GALNTL6: variants seen among roughly 807,000 people sequenced by gnomAD.
GALNTL6 encodes the protein polypeptide N-acetylgalactosaminyltransferase like 6.
A neutral mutation model predicts 73.7 loss-of-function variants in GALNTL6; 46 were observed. That is an observed-to-expected ratio of 0.62 (90% CI 0.49 to 0.80). GALNTL6 has a LOEUF of 0.80. GALNTL6 is among the 30% of genes least tolerant of loss of function. GALNTL6 has a pLI of 0.00. For synonymous variants in GALNTL6, 259 were observed against 263.7 expected, an observed-to-expected ratio of 0.98 and a Z score of 0.17; for missense variants, 604 against 755.0, an observed-to-expected ratio of 0.80 and a Z score of 2.34.
intron 7 of GALNTL6, among the ~76,000 whole-genome samples, chr4:172,839,878 G>T (rs1372384415): frequency 6.6e-6 from 1 of 152,066 alleles, no homozygotes; most frequent in Non-Finnish European, 1.5e-5. Flanking sequence ...GAAAAGCAAA[G>T]ATTCTTTTTA....
Position 172,774,959 on chromosome 4 carries a change from C to CAATAATAATAATAAT in GALNTL6, c.554-34372_554-34358dup, listed in dbSNP as rs57591714. The stretch of plus-strand genomic sequence containing the variant: ...TGGGTGACAGAGCGAGGCTCCATCT[C>CAATAATAATAATAAT]AATAATAATAATAATAATAATAATA... On this transcript the variant is annotated intron_variant, in intron 5 of 12. Coordinates refer to ENST00000506823, the MANE Select transcript of GALNTL6 (RefSeq NM_001034845.3). 5.3e-3 allele frequency among the ~76,000 whole-genome samples: 750 copies of CAATAATAATAATAAT among 140,622 alleles called. 6 individuals are homozygous for CAATAATAATAATAAT. Among genetic ancestry groups the CAATAATAATAATAAT allele is most frequent in the African/African-American group, 0.019 (682 of 36,458 alleles). 92.3% of individuals were successfully genotyped at this position (140,622 alleles called of 152,430 possible). A position where few individuals can be genotyped will look rare whatever the true frequency, so the allele number is the denominator to read the frequency against.
intron 5 of GALNTL6, chr4:172,666,673 C>A (rs1731685241): frequency 6.6e-6 from 1 of 152,114 alleles, no homozygotes; most frequent in Non-Finnish European, 1.5e-5. Flanking sequence ...CTTCCTTTAC[C>A]ACCCTGAATG....
intron 5 of GALNTL6, among the ~76,000 whole-genome samples, chr4:172,764,817 A>G (rs1250978315): frequency 6.6e-6 from 1 of 152,228 alleles, no homozygotes; most frequent in Non-Finnish European, 1.5e-5. Context: ...TAAAAAGTGA[A>G]CTTAGAGATA....
intron 5 of GALNTL6, among the ~76,000 whole-genome samples, chr4:172,515,929 A>T (rs1381206098): frequency 6.6e-6 from 1 of 152,086 alleles, no homozygotes; most frequent in Admixed American, 6.5e-5. Context: ...CCACCCTCAG[A>T]CCCAAACCAG....
intron 5 of GALNTL6, among the ~76,000 whole-genome samples, chr4:172,553,850 A>G (rs1278790569): frequency 1.3e-5 from 2 of 152,060 alleles, no homozygotes; most frequent in Non-Finnish European, 2.9e-5. Flanking sequence ...TGAGGCCAGG[A>G]GTTTGAGACT....
chr4:172,398,705 T>G (rs1743933437), intron 5 of GALNTL6, among the ~76,000 whole-genome samples: 1 of 152,168 alleles, frequency 6.6e-6, no homozygotes, highest in Non-Finnish European at 1.5e-5. Context: ...CTATAATATA[T>G]CAACTCTACA....
intron 2 of GALNTL6, among the ~76,000 whole-genome samples, chr4:172,144,419 T>C (rs1263397362): frequency 1.3e-5 from 2 of 152,176 alleles, no homozygotes; most frequent in Non-Finnish European, 2.9e-5. Context: ...AGTTACTCAA[T>C]GTTTCTGAGC....
At chr4:172,902,160 C>A (rs575605157) in intron 8 of GALNTL6, among the ~76,000 whole-genome samples, 10 of 152,152 alleles carry the variant, frequency 6.6e-5, no homozygotes, top group African/African-American at 9.7e-5. Flanking sequence ...ATAAAAGACA[C>A]ACAGCCCACA....
Position 172,830,531 on chromosome 4 carries a change from A to C in GALNTL6, c.923+16808A>C, listed in dbSNP as rs564030911. On this transcript the variant is annotated intron_variant, in intron 7 of 12. Transcript: ENST00000506823. ...CTTTGTTTTTGCAAAGGAGGCTTTA[A>C]CTCCTAAATTAAAGGTAATGTACAC... Among the ~76,000 whole-genome samples the C allele has an allele frequency of 2.0e-5, 3 of 152,350 alleles. No homozygotes were observed. In the East Asian group the frequency reaches 5.8e-4, roughly 29 times the overall value.
chr4:171,875,764 C>T (rs1220698720), intron 2 of GALNTL6, among the ~76,000 whole-genome samples: 1 of 149,926 alleles, frequency 6.7e-6, no homozygotes, highest in African/African-American at 2.5e-5. Flanking sequence ...CCTTTCTGCT[C>T]ATATCTAGTA....
chr4:172,845,329 C>T (rs1191460745), intron 7 of GALNTL6, among the ~76,000 whole-genome samples: 1 of 151,902 alleles, frequency 6.6e-6, no homozygotes, highest in Admixed American at 6.6e-5. Flanking sequence ...GCCTCAGAGA[C>T]ATTAATCCAA....
intron 2 of GALNTL6, among the ~76,000 whole-genome samples, chr4:172,158,223 A>G (rs1427283088): frequency 6.6e-6 from 1 of 152,204 alleles, no homozygotes; most frequent in Non-Finnish European, 1.5e-5. Flanking sequence ...ACTATCAAAT[A>G]TTTGATATCT....
intron 2 of GALNTL6, among the ~76,000 whole-genome samples, chr4:171,960,530 T>G (rs2111046240): frequency 6.6e-6 from 1 of 152,140 alleles, no homozygotes; most frequent in South Asian, 2.1e-4. Flanking sequence ...TCCACCCACC[T>G]CAGCCTCCCA....
intron 5 of GALNTL6, among the ~76,000 whole-genome samples, chr4:172,604,898 G>A (rs1248608912): frequency 6.6e-6 from 1 of 152,192 alleles, no homozygotes; most frequent in Non-Finnish European, 1.5e-5. Context: ...GAAGCAAACA[G>A]ATTTTGCTCT....
intron 7 of GALNTL6, among the ~76,000 whole-genome samples, chr4:172,817,106 C>CA (rs368595063): frequency 0.012 from 888 of 74,258 alleles, no homozygotes; most frequent in African/African-American, 0.015. Context: ...ACTCCGTCTC[C>CA]AAAAAAAAAA....
chr4:171,923,440 C>T (rs1445473370), intron 2 of GALNTL6, among the ~76,000 whole-genome samples: 1 of 150,536 alleles, frequency 6.6e-6, no homozygotes, highest in Non-Finnish European at 1.5e-5. Context: ...CTTTGTCACC[C>T]AGGCTGCAGT....
intron 2 of GALNTL6, among the ~76,000 whole-genome samples, chr4:172,061,412 T>C (rs1731196159): frequency 6.6e-6 from 1 of 152,178 alleles, no homozygotes; most frequent in African/African-American, 2.4e-5. Context: ...TAGTCATATA[T>C]TGCACTTTCG....
At chr4:172,106,557 C>T (rs1319372820) in intron 2 of GALNTL6, among the ~76,000 whole-genome samples, 2 of 151,678 alleles carry the variant, frequency 1.3e-5, no homozygotes, top group African/African-American at 4.8e-5. Flanking sequence ...AATATAGAAC[C>T]CTCTTGAGAA....
At chr4:172,436,634 A>G (rs953330938) in intron 5 of GALNTL6, among the ~76,000 whole-genome samples, 2 of 152,078 alleles carry the variant, frequency 1.3e-5, no homozygotes, top group Non-Finnish European at 2.9e-5. Flanking sequence ...TCTTCCTTAT[A>G]ATTCTATGGA....
Sources: allele counts gnomAD v4.1 joint callset (sites outside exome capture counted in the v4.1 genomes callset), GRCh38; gene constraint gnomAD v4.1.1; transcripts MANE v1.5; gene names NCBI Gene and HGNC (gene_info 2026-07-23, HGNC 2026-07-21).